The following ERO1A variants were observed in gnomAD, a reference collection of about 807,000 sequenced individuals.
The protein encoded by ERO1A is ERO1-like protein alpha.
ERO1A carries 49 observed loss-of-function variants against 76.9 expected under a neutral mutation model. The ratio of observed to expected loss-of-function variants is 0.64; its 90% CI spans 0.51 to 0.81. ERO1A has a LOEUF of 0.81. ERO1A is among the 30% of genes least tolerant of loss of function. ERO1A has a pLI of 0.00. For missense variants in ERO1A, 448 were observed against 542.1 expected (o/e 0.83, Z 1.72); for synonymous variants, 174 against 181.2 (o/e 0.96, Z 0.32).
At chr14:52,655,555 A>C (rs964181880) in intron 11 of ERO1A, among the ~76,000 whole-genome samples, 16 of 152,176 alleles carry the variant, frequency 1.1e-4, no homozygotes, top group African/African-American at 3.6e-4. Context: ...AAGGCTGCAA[A>C]ATAATAAAAT....
chr14:52,666,284 T>C, intron 7 of ERO1A, 91 bp downstream of exon 7: 1 of 952,462 alleles, frequency 1.0e-6, no homozygotes, highest in Non-Finnish European at 1.6e-6. Context: ...CAAAGTGAAT[T>C]TGATTTTTAA....
chr14:52,669,186 C>CT lies in ERO1A; in HGVS notation c.508+2443dup, dbSNP rs551099704. ...CTAAAGCTTTCTTTAAAATATTCAG[C>CT]TTTTTTTAACAGAAGACACTAATAC... On this transcript the variant is annotated intron_variant, in intron 6 of 15. Coordinates refer to ENST00000395686, the MANE Select transcript of ERO1A (RefSeq NM_014584.3). Among the ~76,000 whole-genome samples, 402 of 152,148 alleles carry CT rather than the reference C, an allele frequency of 2.6e-3. 2 individuals are homozygous for CT. Among genetic ancestry groups the CT allele is most frequent in the African/African-American group, 9.3e-3 (385 of 41,510 alleles).
intron 4 of ERO1A, among the ~76,000 whole-genome samples, chr14:52,676,657 G>T (rs966719943): frequency 1.3e-5 from 2 of 152,144 alleles, no homozygotes; most frequent in African/African-American, 2.4e-5. Flanking sequence ...ATACGTTCTT[G>T]TTGGTCATCT....
chr14:52,683,668 T>C, intron 2 of ERO1A, 120 bp downstream of exon 2: 1 of 468,740 alleles, frequency 2.1e-6, no homozygotes, highest in Non-Finnish European at 3.7e-6. Flanking sequence ...AACTGAATTT[T>C]CTTAATAAAG....
intron 13 of ERO1A, chr14:52,646,837 G>A (rs2039674434): frequency 5.9e-6 from 1 of 168,834 alleles, no homozygotes; most frequent in Non-Finnish European, 1.3e-5. Flanking sequence ...GGTGTCCATT[G>A]TAGGTGATTA....
intron 13 of ERO1A, among the ~76,000 whole-genome samples, chr14:52,647,478 C>T (rs900158491): frequency 6.6e-6 from 1 of 152,014 alleles, no homozygotes; most frequent in Admixed American, 6.6e-5. Flanking sequence ...CAAGTACAAT[C>T]GAAGCCCCTC....
chr14:52,645,035 A>G (rs940083458), intron 15 of ERO1A, among the ~76,000 whole-genome samples: 1 of 152,154 alleles, frequency 6.6e-6, no homozygotes, highest in Admixed American at 6.5e-5. Flanking sequence ...ATTTTAATGT[A>G]AGTTCCTTAT....
intron 6 of ERO1A, 86 bp downstream of exon 6, chr14:52,671,544 C>G: frequency 2.3e-6 from 2 of 888,104 alleles, no homozygotes; most frequent in East Asian, 5.5e-5. Context: ...ACAGGCACAC[C>G]ACCATGCCCA....
intron 2 of ERO1A, 42 bp from the exon 3 acceptor site, chr14:52,682,450 C>A (rs767540948): frequency 7.0e-7 from 1 of 1,418,568 alleles, no homozygotes; most frequent in Non-Finnish European, 9.8e-7. Context: ...AAATCAGAAT[C>A]CCAAAATTAT....
intron 8 of ERO1A, among the ~76,000 whole-genome samples, chr14:52,662,230 T>G (rs1247379370): frequency 6.6e-6 from 1 of 152,206 alleles, no homozygotes; most frequent in Non-Finnish European, 1.5e-5. Context: ...AATTACTTTA[T>G]CAAATCATAA....
At chr14:52,651,462 C>CACATTATATATATATTGATATATTAT (rs566720653) in intron 13 of ERO1A, among the ~76,000 whole-genome samples, 16,442 of 151,916 alleles carry the variant, frequency 0.11, 984 homozygotes, top group South Asian at 0.19. Flanking sequence ...TATATGAGAT[C>CACATTATATATATATTGATATATTAT]ATCAATGTGA....
chr14:52,688,446 T>C (rs574268183), intron 1 of ERO1A, among the ~76,000 whole-genome samples: 45 of 152,212 alleles, frequency 3.0e-4, no homozygotes, highest in Non-Finnish European at 6.0e-4. Flanking sequence ...CTCATCTTAA[T>C]AGAAAATAGT....
At chr14:52,671,586 A>T (rs1336814098) in intron 6 of ERO1A, 44 bp downstream of exon 6, 1 of 1,386,318 alleles carries the variant, frequency 7.2e-7, no homozygotes. Flanking sequence ...TTTTTTTCTT[A>T]GGTATAATTT....
intron 8 of ERO1A, 114 bp downstream of exon 8, chr14:52,663,687 G>C (rs2040307300): frequency 1.5e-6 from 1 of 657,576 alleles, no homozygotes; most frequent in Admixed American, 2.6e-5. Context: ...TATGGAAACA[G>C]GACTGTGGAT....
intron 11 of ERO1A, among the ~76,000 whole-genome samples, chr14:52,654,799 G>T (rs1384725862): frequency 6.6e-6 from 1 of 152,116 alleles, no homozygotes; most frequent in Non-Finnish European, 1.5e-5. Flanking sequence ...TTCTAACTGT[G>T]TATTCATCAC....
intron 1 of ERO1A, among the ~76,000 whole-genome samples, chr14:52,686,079 G>A (rs2041167790): frequency 6.6e-6 from 1 of 152,168 alleles, no homozygotes; most frequent in African/African-American, 2.4e-5. Context: ...GGGCATGGTG[G>A]CCCATGCCTG....
At chr14:52,669,037 A>G (rs1326250157) in intron 6 of ERO1A, among the ~76,000 whole-genome samples, 2 of 152,100 alleles carry the variant, frequency 1.3e-5, no homozygotes, top group Non-Finnish European at 2.9e-5. Flanking sequence ...TGCAAAACCT[A>G]TATGATATGC....
At chr14:52,654,638 A>G (rs1207310543) in intron 11 of ERO1A, among the ~76,000 whole-genome samples, 1 of 152,228 alleles carries the variant, frequency 6.6e-6, no homozygotes, top group African/African-American at 2.4e-5. Context: ...TTCAAGTCAG[A>G]GAAGGAAAAT....
rs887103940 is a variant in ERO1A, at chr14:52,683,210, A to T, written c.234+578T>A. Among the ~76,000 whole-genome samples, 32 of 150,038 alleles carry T rather than the reference A, an allele frequency of 2.1e-4. 1 individual carries two copies. Among genetic ancestry groups the T allele is most frequent in the Admixed American group, 1.0e-3 (15 of 15,022 alleles). On this transcript the variant is annotated intron_variant, in intron 2 of 15. Coordinates refer to ENST00000395686, the MANE Select transcript of ERO1A (RefSeq NM_014584.3). ...GGTGACAAAGCAAGATTCTGTCTCAAAAAAAAAAAGACACAGACTGCCACT... is the reference window on the plus strand; with the variant it reads ...GGTGACAAAGCAAGATTCTGTCTCATAAAAAAAAAGACACAGACTGCCACT...
Sources: gnomAD v4.1 joint callset for allele counts (sites outside exome capture counted in the v4.1 genomes callset) on GRCh38, gnomAD v4.1.1 for gene constraint, MANE v1.5 for transcripts, NCBI Gene and HGNC (gene_info 2026-07-23, HGNC 2026-07-21) for gene names.